The following CMSS1 variants were observed in gnomAD, a reference collection of about 807,000 sequenced individuals.
CMSS1 encodes the protein cms1 ribosomal small subunit homolog.
CMSS1 carries 33 observed loss-of-function variants against 43.5 expected under a neutral mutation model. The observed-to-expected ratio is 0.76, with a 90% CI of 0.57 to 1.01. The LOEUF (loss-of-function observed/expected upper bound fraction) is 1.01, where lower values mean the gene tolerates loss of function less well. Among genes scored for constraint, CMSS1 ranks in the 50% least tolerant of loss-of-function variants. CMSS1 has a pLI of 0.00. For synonymous variants in CMSS1, 115 were observed against 117.2 expected (o/e 0.98, Z 0.12); for missense variants, 313 against 326.4 (o/e 0.96, Z 0.32).
chr3:99,842,483 A>T (rs1015964484), intron 1 of CMSS1, among the ~76,000 whole-genome samples: 2 of 139,574 alleles, frequency 1.4e-5, no homozygotes, highest in African/African-American at 5.6e-5. Flanking sequence ...AACCTATTGA[A>T]ATAAATAAAT....
chr3:100,053,381 T>G lies in CMSS1; in HGVS notation c.65-93592T>G, dbSNP rs760702701. On this transcript the variant is annotated intron_variant, in intron 1 of 9. Transcript: ENST00000421999. ...TCTTGCTTTTTGTAGCTTCTGGTGC[T>G]TGCCAACAGTCCTTGGCATTCCTTG... Among the ~76,000 whole-genome samples, 41 of 152,340 alleles carry G rather than the reference T, an allele frequency of 2.7e-4. 1 individual carries two copies. Among genetic ancestry groups the G allele is most frequent in the Middle Eastern group, 6.8e-3 (2 of 294 alleles).
intron 1 of CMSS1, among the ~76,000 whole-genome samples, chr3:99,933,934 G>A (rs911787495): frequency 6.6e-6 from 1 of 152,200 alleles, no homozygotes; most frequent in African/African-American, 2.4e-5. Flanking sequence ...CAATGGCTCA[G>A]AATTCTGTGG....
chr3:100,023,447 TGAA>T (rs577168478), intron 1 of CMSS1: 90 of 152,688 alleles, frequency 5.9e-4, no homozygotes, highest in African/African-American at 2.0e-3. Context: ...TAAAGTTAAT[TGAA>T]GAATTCCTTG....
Position 99,821,297 on chromosome 3 carries a change from C to T in CMSS1, c.64+3254C>T, listed in dbSNP as rs377389210. Among the ~76,000 whole-genome samples, 19 of 152,306 alleles carry T rather than the reference C, an allele frequency of 1.2e-4. No homozygotes were observed. In the East Asian group the frequency reaches 2.3e-3, roughly 19 times the overall value. On this transcript the variant is annotated intron_variant, in intron 1 of 9. Coordinates refer to ENST00000421999, the MANE Select transcript of CMSS1 (RefSeq NM_032359.4). ...TGTTACCTGCTACAGAGTATGTAGGCAGACATATAATTTCTCATCCAATCT... is the reference window on the plus strand; with the variant it reads ...TGTTACCTGCTACAGAGTATGTAGGTAGACATATAATTTCTCATCCAATCT...
chr3:99,932,751 T>A (rs1369646764), intron 1 of CMSS1, among the ~76,000 whole-genome samples: 1 of 151,920 alleles, frequency 6.6e-6, no homozygotes, highest in African/African-American at 2.4e-5. Context: ...ATTAGCCAGG[T>A]GTGGTGGCAC....
At chr3:100,014,142 T>G (rs1264401494) in intron 1 of CMSS1, among the ~76,000 whole-genome samples, 7 of 151,188 alleles carry the variant, frequency 4.6e-5, no homozygotes, top group Admixed American at 2.0e-4. Flanking sequence ...TTGTTGAAAA[T>G]GACAGAATTT....
chr3:100,161,971 TA>T (rs1225680272), intron 3 of CMSS1, among the ~76,000 whole-genome samples: 4 of 152,164 alleles, frequency 2.6e-5, no homozygotes, highest in Non-Finnish European at 5.9e-5. Context: ...CATCTAGGGC[TA>T]AAAGAGAGCT....
intron 1 of CMSS1, among the ~76,000 whole-genome samples, chr3:100,107,082 T>C (rs1291345995): frequency 6.6e-6 from 1 of 152,138 alleles, no homozygotes; most frequent in Non-Finnish European, 1.5e-5. Context: ...TCAAAATGCT[T>C]AGTGCTGCAG....
intron 1 of CMSS1, chr3:100,025,521 G>C (rs749672483): frequency 5.9e-5 from 9 of 152,102 alleles, no homozygotes; most frequent in Non-Finnish European, 1.3e-4. Flanking sequence ...GGATGAATAC[G>C]AAGGAACGGG....
At chr3:99,830,915 A>G (rs959069153) in intron 1 of CMSS1, among the ~76,000 whole-genome samples, 3 of 152,250 alleles carry the variant, frequency 2.0e-5, no homozygotes, top group Admixed American at 1.3e-4. Flanking sequence ...TCAAAGAGCC[A>G]TGAGATTGCC....
intron 5 of CMSS1, among the ~76,000 whole-genome samples, 192 bp from the exon 6 acceptor site, chr3:100,167,546 C>T (rs542715347): frequency 6.6e-6 from 1 of 152,222 alleles, no homozygotes; most frequent in Non-Finnish European, 1.5e-5. Flanking sequence ...TTTTGTGTTA[C>T]AAATTAATGA....
chr3:100,159,972 AT>A (rs2067008963), intron 2 of CMSS1: 2 of 455,322 alleles, frequency 4.4e-6, no homozygotes, highest in African/African-American at 4.0e-5. Context: ...GAGGAAAGGA[AT>A]GTATAATACA....
intron 1 of CMSS1, among the ~76,000 whole-genome samples, chr3:99,910,543 G>A (rs1706756275): frequency 7.3e-6 from 1 of 136,568 alleles, no homozygotes; most frequent in East Asian, 2.0e-4. Flanking sequence ...GTTATATCCA[G>A]TACCCCTTAC....
At chr3:99,877,955 C>T (rs1377720745) in intron 1 of CMSS1, among the ~76,000 whole-genome samples, 1 of 152,184 alleles carries the variant, frequency 6.6e-6, no homozygotes, top group Non-Finnish European at 1.5e-5. Flanking sequence ...GTTTCTTTCT[C>T]ACATATCCAT....
intron 3 of CMSS1, among the ~76,000 whole-genome samples, chr3:100,161,800 T>C (rs1024817220): frequency 1.3e-5 from 2 of 152,182 alleles, no homozygotes; most frequent in African/African-American, 4.8e-5. Flanking sequence ...ATCCAAGACC[T>C]GAGAATCGAG....
chr3:99,946,124 C>T (rs984792278), intron 1 of CMSS1, among the ~76,000 whole-genome samples: 1 of 152,220 alleles, frequency 6.6e-6, no homozygotes, highest in Non-Finnish European at 1.5e-5. Flanking sequence ...AAGCCCAGAA[C>T]TCCTGGGAGC....
chr3:99,984,060 T>TGTGTGTGTGTGTGTGTTTG (rs1559714079), intron 1 of CMSS1, among the ~76,000 whole-genome samples: 1 of 24,978 alleles, frequency 4.0e-5, no homozygotes. Context: ...GTATGTGTGT[T>TGTGTGTGTGTGTGTGTTTG]TGTGTGTGTG....
At chr3:100,162,583 G>A in intron 4 of CMSS1, 151 bp downstream of exon 4, 1 of 781,070 alleles carries the variant, frequency 1.3e-6, no homozygotes, top group African/African-American at 1.8e-5. Flanking sequence ...TGAGGCTAGA[G>A]GATCGCTTGA....
At chr3:99,954,525 TATAAA>T (rs1225300747) in intron 1 of CMSS1, among the ~76,000 whole-genome samples, 2 of 152,108 alleles carry the variant, frequency 1.3e-5, no homozygotes, top group African/African-American at 4.8e-5. Flanking sequence ...ATTTCCTCAT[TATAAA>T]ATAAGAATAA....
Sources: gnomAD v4.1 joint callset for allele counts (sites outside exome capture counted in the v4.1 genomes callset) on GRCh38, gnomAD v4.1.1 for gene constraint, MANE v1.5 for transcripts, NCBI Gene and HGNC (gene_info 2026-07-23, HGNC 2026-07-21) for gene names.